CPQ: variants seen among roughly 807,000 people sequenced by gnomAD.
CPQ encodes carboxypeptidase Q.
CPQ carries 37 observed loss-of-function variants against 45.7 expected under a neutral mutation model. That is an observed-to-expected ratio of 0.81 (90% CI 0.62 to 1.07). CPQ has a LOEUF of 1.07. Ranked by LOEUF, CPQ falls within the 50% of genes least tolerant of loss-of-function variation. CPQ has a pLI of 0.00. For synonymous variants in CPQ, 186 were observed against 205.8 expected (o/e 0.90, Z 0.82); for missense variants, 537 against 572.9 (o/e 0.94, Z 0.64).
intron 5 of CPQ, among the ~76,000 whole-genome samples, chr8:96,980,894 C>G (rs756337511): frequency 5.9e-5 from 9 of 152,200 alleles, no homozygotes; most frequent in Non-Finnish European, 8.8e-5. Flanking sequence ...AGACTTAACA[C>G]TCTGAGGACA....
chr8:97,052,799 A>ATAAT (rs1810384882), intron 6 of CPQ, among the ~76,000 whole-genome samples: 1 of 152,162 alleles, frequency 6.6e-6, no homozygotes, highest in African/African-American at 2.4e-5. Flanking sequence ...TTGTATTTTG[A>ATAAT]TAATTTATGG....
At chr8:97,013,615 A>G (rs1323417289) in intron 5 of CPQ, among the ~76,000 whole-genome samples, 1 of 152,222 alleles carries the variant, frequency 6.6e-6, no homozygotes, top group Non-Finnish European at 1.5e-5. Context: ...AGTTGAGAGA[A>G]AAAGAAAGGA....
At position 96,865,086 on chromosome 8, in the gene CPQ, C is replaced by CAATAAT. The variant is rs542993089; in HGVS notation, c.642-14700_642-14695dup. Among the ~76,000 whole-genome samples, 298 of 151,820 alleles carry CAATAAT rather than the reference C, an allele frequency of 2.0e-3. 1 individual carries two copies. Among genetic ancestry groups the CAATAAT allele is most frequent in the African/African-American group, 6.7e-3 (277 of 41,430 alleles). ...TAGGTGTTATTACTGACATTTATAACAATAATAATAATAATAAAATAATAA... is the reference window on the plus strand; with the variant it reads ...TAGGTGTTATTACTGACATTTATAACAATAATAATAATAATAATAATAAAATAATAA... On this transcript the variant is annotated intron_variant, in intron 3 of 7. Coordinates refer to ENST00000220763, the MANE Select transcript of CPQ (RefSeq NM_016134.4).
At chr8:96,865,831 T>C (rs1811989931) in intron 3 of CPQ, among the ~76,000 whole-genome samples, 1 of 152,080 alleles carries the variant, frequency 6.6e-6, no homozygotes, top group African/African-American at 2.4e-5. Context: ...TTCACTCCAT[T>C]CACTCATTTA....
At chr8:96,741,264 A>T (rs1810087128) in intron 1 of CPQ, among the ~76,000 whole-genome samples, 1 of 152,080 alleles carries the variant, frequency 6.6e-6, no homozygotes, top group Non-Finnish European at 1.5e-5. Context: ...ATTTGCATAG[A>T]GGTGTTTGTA....
At chr8:97,082,549 G>A (rs1194401448) in intron 7 of CPQ, among the ~76,000 whole-genome samples, 1 of 152,170 alleles carries the variant, frequency 6.6e-6, no homozygotes, top group Non-Finnish European at 1.5e-5. Flanking sequence ...AAAGTCAGCA[G>A]TAAGATCCCA....
chr8:96,803,357 G>T (rs746683904), intron 2 of CPQ, among the ~76,000 whole-genome samples: 1 of 152,222 alleles, frequency 6.6e-6, no homozygotes, highest in African/African-American at 2.4e-5. Context: ...AAAGACTGAA[G>T]ACAGAGTCCA....
intron 1 of CPQ, among the ~76,000 whole-genome samples, chr8:96,751,317 A>G (rs935854985): frequency 6.6e-6 from 1 of 152,140 alleles, no homozygotes; most frequent in Non-Finnish European, 1.5e-5. Context: ...TGACTTTTCA[A>G]TGAACCACCA....
At chr8:96,964,197 C>G (rs1813515423) in intron 4 of CPQ, among the ~76,000 whole-genome samples, 1 of 150,506 alleles carries the variant, frequency 6.6e-6, no homozygotes, top group African/African-American at 2.5e-5. Flanking sequence ...CACACACACA[C>G]ACACACACAC....
At chr8:97,096,339 A>G (rs1235190215) in intron 7 of CPQ, among the ~76,000 whole-genome samples, 1 of 152,182 alleles carries the variant, frequency 6.6e-6, no homozygotes, top group Non-Finnish European at 1.5e-5. Flanking sequence ...TTTATGAGAA[A>G]GAGAGCCTGG....
At chr8:97,013,309 A>C (rs1809522946) in intron 5 of CPQ, among the ~76,000 whole-genome samples, 2 of 152,082 alleles carry the variant, frequency 1.3e-5, no homozygotes, top group Admixed American at 6.5e-5. Flanking sequence ...TAATAATAAT[A>C]ATAATATTAA....
chr8:97,108,660 T>C (rs1298716436), intron 7 of CPQ, among the ~76,000 whole-genome samples: 1 of 152,180 alleles, frequency 6.6e-6, no homozygotes. Context: ...GGGGAGGGGA[T>C]GGTGAGATGA....
At chr8:96,734,711 A>AAAAAT (rs199655853) in intron 1 of CPQ, among the ~76,000 whole-genome samples, 12 of 146,656 alleles carry the variant, frequency 8.2e-5, no homozygotes, top group South Asian at 2.2e-4. Flanking sequence ...ACTCCATCTC[A>AAAAAT]AAAATAAAAT....
At position 97,042,778 on chromosome 8, in the gene CPQ, C is replaced by T. The variant is rs760282702; in HGVS notation, c.1053+13284C>T. On this transcript the variant is annotated intron_variant, in intron 6 of 7. Transcript: ENST00000220763. ...CATTCAGGAGCAGGTTGTTCAGTTT[C>T]CATGTAGTTGAGCGGTTTTGAGTGA... Among the ~76,000 whole-genome samples, 981 of 152,002 alleles carry T rather than the reference C, an allele frequency of 6.5e-3. 5 individuals are homozygous for T. Among genetic ancestry groups the T allele is most frequent in the Middle Eastern group, 0.014 (4 of 294 alleles).
chr8:96,881,176 A>G (rs1328443270), intron 4 of CPQ, among the ~76,000 whole-genome samples: 1 of 152,188 alleles, frequency 6.6e-6, no homozygotes, highest in African/African-American at 2.4e-5. Flanking sequence ...GTCCATTCTC[A>G]CATTGCTATA....
intron 7 of CPQ, among the ~76,000 whole-genome samples, chr8:97,105,093 G>A (rs888326351): frequency 4.6e-5 from 7 of 152,160 alleles, no homozygotes; most frequent in Admixed American, 1.3e-4. Flanking sequence ...AGACCACCCC[G>A]GCATTGTGCC....
intron 1 of CPQ, among the ~76,000 whole-genome samples, chr8:96,676,218 T>G (rs915603608): frequency 6.6e-6 from 1 of 152,036 alleles, no homozygotes; most frequent in Non-Finnish European, 1.5e-5. Context: ...GACTTATTCC[T>G]TCTACGTTTC....
At chr8:96,999,365 T>C (rs1279562792) in intron 5 of CPQ, among the ~76,000 whole-genome samples, 1 of 151,880 alleles carries the variant, frequency 6.6e-6, no homozygotes, top group Non-Finnish European at 1.5e-5. Context: ...CCATTAGTTA[T>C]TTTTCCTTGT....
intron 3 of CPQ, among the ~76,000 whole-genome samples, chr8:96,867,919 A>G (rs576333996): frequency 4.1e-4 from 63 of 152,108 alleles, no homozygotes; most frequent in African/African-American, 1.3e-3. Flanking sequence ...TCACTATGGT[A>G]ATCATTAGCA....
Sources: allele counts gnomAD v4.1 joint callset (sites outside exome capture counted in the v4.1 genomes callset), GRCh38; gene constraint gnomAD v4.1.1; transcripts MANE v1.5; gene names NCBI Gene and HGNC (gene_info 2026-07-23, HGNC 2026-07-21).